Variants in RASAL2 observed in about 807,000 individuals in gnomAD.
RASAL2 encodes ras GTPase-activating protein nGAP.
In RASAL2, 58 loss-of-function variants were observed where a neutral mutation model predicts 128.9. The observed-to-expected ratio is 0.45, with a 90% confidence interval of 0.36 to 0.56. The LOEUF is 0.56. RASAL2 is among the 20% of genes least tolerant of loss of function. RASAL2 has a pLI of 0.00. For synonymous variants in RASAL2, 561 were observed against 580.8 expected (o/e 0.97, Z 0.49); for missense variants, 1,360 against 1,601.6 (o/e 0.85, Z 2.57).
intron 1 of RASAL2, among the ~76,000 whole-genome samples, chr1:178,169,981 T>C (rs1425124656): frequency 1.3e-5 from 2 of 152,056 alleles, no homozygotes; most frequent in East Asian, 3.8e-4. Flanking sequence ...TGAATACATT[T>C]ATTTCCACTT....
chr1:178,383,024 G>A lies in RASAL2; in HGVS notation c.458-7076G>A, dbSNP rs575618358. Among the ~76,000 whole-genome samples, 201 of 152,240 alleles carry A rather than the reference G, an allele frequency of 1.3e-3. 2 individuals carry two copies. The highest frequency in any genetic ancestry group is 3.4e-3 in the Middle Eastern group (1 of 294). ...AGTTGAAGAAATGGAATACTTGTGG[G>A]TGGTATTCAGATTCCTTGGCTGGGG... On this transcript the variant is annotated intron_variant, in intron 3 of 17. Transcript: ENST00000367649.
intron 4 of RASAL2, among the ~76,000 whole-genome samples, chr1:178,405,052 A>G (rs1673913067): frequency 6.6e-6 from 1 of 152,204 alleles, no homozygotes; most frequent in African/African-American, 2.4e-5. Flanking sequence ...ATAAAGGATG[A>G]CAACGAATTC....
intron 1 of RASAL2, among the ~76,000 whole-genome samples, chr1:178,247,324 T>A (rs570082787): frequency 6.9e-6 from 1 of 144,348 alleles, no homozygotes; most frequent in African/African-American, 2.7e-5. Context: ...AATTTATCCA[T>A]TTCTTCTAGA....
intron 1 of RASAL2, among the ~76,000 whole-genome samples, chr1:178,130,585 A>G (rs1019566592): frequency 2.0e-5 from 3 of 152,216 alleles, no homozygotes; most frequent in African/African-American, 7.2e-5. Flanking sequence ...CGGGAAATGT[A>G]AGGAAGCCAT....
At chr1:178,392,721 C>T (rs1426554008) in intron 4 of RASAL2, among the ~76,000 whole-genome samples, 2 of 152,096 alleles carry the variant, frequency 1.3e-5, no homozygotes, top group East Asian at 3.9e-4. Flanking sequence ...GCACTCACCC[C>T]TGGCCTTTCA....
intron 15 of RASAL2, among the ~76,000 whole-genome samples, chr1:178,465,053 A>T (rs996991654): frequency 6.6e-6 from 1 of 152,032 alleles, no homozygotes; most frequent in Non-Finnish European, 1.5e-5. Flanking sequence ...TTTTATCAGC[A>T]TGATATTCCA....
At chr1:178,299,515 T>C (rs1667668916) in intron 2 of RASAL2, among the ~76,000 whole-genome samples, 1 of 152,252 alleles carries the variant, frequency 6.6e-6, no homozygotes, top group African/African-American at 2.4e-5. Context: ...TTCTTTTTTT[T>C]TGAGATGGAG....
chr1:178,158,291 C>T (rs1176468385), intron 1 of RASAL2, among the ~76,000 whole-genome samples: 3 of 152,076 alleles, frequency 2.0e-5, no homozygotes, highest in Non-Finnish European at 2.9e-5. Flanking sequence ...TTCAAAATCC[C>T]GTTCTGCCTC....
At chr1:178,407,153 A>G (rs1674051701) in intron 4 of RASAL2, among the ~76,000 whole-genome samples, 1 of 152,174 alleles carries the variant, frequency 6.6e-6, no homozygotes, top group Non-Finnish European at 1.5e-5. Context: ...AGGATAAACT[A>G]CCCATACTAC....
chr1:178,426,941 A>G (rs533047863), intron 5 of RASAL2, among the ~76,000 whole-genome samples: 2 of 152,276 alleles, frequency 1.3e-5, no homozygotes, highest in South Asian at 4.1e-4. Context: ...GCAGATACTA[A>G]GTCTGAGAGA....
chr1:178,128,059 T>C (rs558059187), intron 1 of RASAL2, among the ~76,000 whole-genome samples: 3 of 152,224 alleles, frequency 2.0e-5, no homozygotes, highest in Admixed American at 2.0e-4. Flanking sequence ...TTAAAGATAC[T>C]GTAGTTCAAT....
chr1:178,123,295 G>A (rs1346395455), intron 1 of RASAL2: 1 of 152,218 alleles, frequency 6.6e-6, no homozygotes, highest in East Asian at 1.9e-4. Context: ...TGAAGGCTGA[G>A]AGAGAACGAG....
intron 1 of RASAL2, among the ~76,000 whole-genome samples, chr1:178,223,880 A>ATAGC (rs1329701144): frequency 6.6e-6 from 1 of 152,184 alleles, no homozygotes; most frequent in African/African-American, 2.4e-5. Context: ...TGGGGCTTGT[A>ATAGC]TAGCTGGATG....
chr1:178,474,726 A>G lies in RASAL2; in HGVS notation c.*1487A>G, dbSNP rs937769598. 1.3e-5 allele frequency: 2 copies of G among 151,950 alleles called. No homozygotes were observed. The highest frequency in any genetic ancestry group is 2.9e-5 in the Non-Finnish European group (2 of 67,998). 9.4% of individuals were successfully genotyped at this position (151,950 alleles called of 1,614,324 possible). On this transcript the variant is annotated 3_prime_UTR_variant, in exon 18 of 18. Coordinates refer to ENST00000367649, the MANE Select transcript of RASAL2 (RefSeq NM_170692.4). ...AATATATATTCACACATATGTACAT[A>G]TAACTGCACAAATAGGAAAAGTTCA...
At chr1:178,164,865 G>A (rs1029685451) in intron 1 of RASAL2, among the ~76,000 whole-genome samples, 5 of 145,024 alleles carry the variant, frequency 3.4e-5, no homozygotes, top group African/African-American at 1.0e-4. Flanking sequence ...GTGTGTGTGT[G>A]TATACAGTGG....
intron 1 of RASAL2, among the ~76,000 whole-genome samples, chr1:178,191,058 C>G (rs1662477762): frequency 6.6e-6 from 1 of 152,154 alleles, no homozygotes; most frequent in African/African-American, 2.4e-5. Flanking sequence ...CTACTGTTCA[C>G]TCCACTGAGA....
At chr1:178,266,332 T>G (rs1247737584) in intron 1 of RASAL2, among the ~76,000 whole-genome samples, 1 of 152,238 alleles carries the variant, frequency 6.6e-6, no homozygotes, top group Middle Eastern at 3.2e-3. Context: ...AGTAATGAAG[T>G]TGAGCATCTT....
Position 178,443,111 on chromosome 1 carries a change from T to G in RASAL2, c.1364T>G (p.Phe455Cys), listed in dbSNP as rs756164820. Reference sequence around the variant, plus strand: ...GAGCAATACAAAGAATTTGCAGAATTTGTCACCAGCAACTACACCATGCTG... The same window carrying G: ...GAGCAATACAAAGAATTTGCAGAATGTGTCACCAGCAACTACACCATGCTG... ...PMEQYKEFAE[F>C]VTSNYTMLCS... The change falls in exon 8 of 18, where the codon TTT becomes TGT. Residue 455 changes from phenylalanine to cysteine, a missense_variant. By Grantham distance (205) the Phe-to-Cys change is radical (BLOSUM62 -2). Around this residue, in one of 3 missense-constraint regions of RASAL2, gnomAD observed 617 missense variants for 714.2 expected, o/e 0.86. Coordinates refer to ENST00000367649, the MANE Select transcript of RASAL2 (RefSeq NM_170692.4). 1.2e-6 allele frequency: 2 copies of G among 1,613,852 alleles called. No homozygotes were observed. Among genetic ancestry groups the G allele is most frequent in the African/African-American group, 2.7e-5 (2 of 74,900 alleles).
chr1:178,442,621 G>T, intron 7 of RASAL2, 54 bp from the exon 8 acceptor site: 2 of 1,415,574 alleles, frequency 1.4e-6, no homozygotes, highest in Non-Finnish European at 1.9e-6. Flanking sequence ...AGAAAAAAAT[G>T]TTTTTTTTTC....
Sources: gnomAD v4.1 joint callset for allele counts (sites outside exome capture counted in the v4.1 genomes callset) on GRCh38, gnomAD v4.1.1 for gene constraint, gnomAD v4.1.1 regional missense constraint, MANE v1.5 for transcripts, NCBI Gene and HGNC (gene_info 2026-07-23, HGNC 2026-07-21) for gene names.